SUSD4: variants seen among roughly 807,000 people sequenced by gnomAD.
SUSD4 encodes the protein sushi domain-containing protein 4.
A neutral mutation model predicts 50.5 loss-of-function variants in SUSD4; 41 were observed. That is an observed-to-expected ratio of 0.81 (90% CI 0.63 to 1.05). SUSD4 has a LOEUF of 1.05. SUSD4 is among the 50% of genes least tolerant of loss of function. The pLI is 0.00. For synonymous variants in SUSD4, 257 were observed against 257.3 expected (o/e 1.00, Z 0.01); for missense variants, 580 against 634.7 (o/e 0.91, Z 0.93).
At chr1:223,274,124 C>T (rs1186039494) in intron 3 of SUSD4, among the ~76,000 whole-genome samples, 1 of 152,100 alleles carries the variant, frequency 6.6e-6, no homozygotes, top group Non-Finnish European at 1.5e-5. Context: ...AGCACTGTTC[C>T]ATATCAGTGC....
At chr1:223,312,610 T>G (rs971791274) in intron 2 of SUSD4, among the ~76,000 whole-genome samples, 8 of 152,208 alleles carry the variant, frequency 5.3e-5, no homozygotes, top group Admixed American at 2.6e-4. Context: ...GAATCCCTGG[T>G]GCTTTGAAAA....
intron 5 of SUSD4, chr1:223,235,137 G>T: frequency 6.5e-7 from 1 of 1,548,350 alleles, no homozygotes; most frequent in Non-Finnish European, 8.7e-7. Flanking sequence ...AACATAAGAA[G>T]ACTATTTCTC....
rs370688823 is a variant in SUSD4 at position 223,223,278 on chromosome 1, G to A, written c.1415C>T (p.Ser472Phe). The change falls in exon 8 of 9, where the codon TCC becomes TTC. Residue 472 changes from serine to phenylalanine, a missense_variant. Coordinates refer to ENST00000366878, the MANE Select transcript of SUSD4 (RefSeq NM_017982.4). ...TGCAATGTCGATGCCTGGGCTGGTGGATGCCACCTCCTCTGCCGTGCTGGC... is the reference window on the plus strand; with the variant it reads ...TGCAATGTCGATGCCTGGGCTGGTGAATGCCACCTCCTCTGCCGTGCTGGC... ...IIASTAEEVA[S>F]TSPGIDIADE... 1.9e-6 allele frequency: 3 copies of A among 1,558,938 alleles called. No homozygotes were observed. Among genetic ancestry groups the A allele is most frequent in the Non-Finnish European group, 2.6e-6 (3 of 1,155,416 alleles).
chr1:223,310,466 T>C (rs1028461630), intron 2 of SUSD4, among the ~76,000 whole-genome samples: 5 of 152,184 alleles, frequency 3.3e-5, no homozygotes, highest in Non-Finnish European at 7.3e-5. Context: ...TAATTATTAG[T>C]GTTAATGATT....
At chr1:223,321,486 GTTA>G (rs1228538654) in intron 2 of SUSD4, among the ~76,000 whole-genome samples, 1 of 152,238 alleles carries the variant, frequency 6.6e-6, no homozygotes. Context: ...ATCAATATCT[GTTA>G]TTATCTTCAC....
chr1:223,224,162 C>T (rs1028096591), intron 7 of SUSD4, among the ~76,000 whole-genome samples: 3 of 152,122 alleles, frequency 2.0e-5, no homozygotes, highest in African/African-American at 4.8e-5. Context: ...CATAGTGAAA[C>T]CCTGCCTATA....
chr1:223,280,701 ATCCAGGAATTGAAC>A lies in SUSD4; in HGVS notation c.361+11724_361+11737del, dbSNP rs546731978. ...AACGAGACAGAAAGTTTACAAGGATATCCAGGAATTGAACTCAGCTCTGTACCAAGGGGACCTAA... is the reference window on the plus strand; with the variant it reads ...AACGAGACAGAAAGTTTACAAGGATATCAGCTCTGTACCAAGGGGACCTAA... On this transcript the variant is annotated intron_variant, in intron 3 of 8. Transcript: ENST00000366878. Among the ~76,000 whole-genome samples the A allele has an allele frequency of 4.1e-3, 630 of 152,234 alleles. 3 individuals are homozygous for A. The highest frequency in any genetic ancestry group is 6.0e-3 in the Non-Finnish European group (407 of 68,010).
intron 2 of SUSD4, among the ~76,000 whole-genome samples, chr1:223,327,521 C>T (rs1199594553): frequency 2.0e-5 from 3 of 152,162 alleles, no homozygotes; most frequent in Non-Finnish European, 2.9e-5. Flanking sequence ...AATGACCTTC[C>T]TATTACATGA....
rs370260004 is a variant in SUSD4, at chr1:223,243,235, C to T, written c.725-13847G>A. Among the ~76,000 whole-genome samples the T allele has an allele frequency of 1.5e-4, 23 of 152,288 alleles. No individual in the cohort carries two copies. In the South Asian group the frequency reaches 3.9e-3, roughly 26 times the overall value. On this transcript the variant is annotated intron_variant, in intron 5 of 8. Transcript: ENST00000366878. ...AGCTGCCTCGCTCCAGGGAGGCCTG[C>T]GATGCACATCTGCCCCACGGGTTTA...
intron 2 of SUSD4, among the ~76,000 whole-genome samples, chr1:223,315,922 T>C (rs1364126780): frequency 6.6e-6 from 1 of 152,136 alleles, no homozygotes. Context: ...ATACAGTCTG[T>C]CTTAGAAGCC....
At chr1:223,352,001 C>T (rs1278087484) in intron 2 of SUSD4, among the ~76,000 whole-genome samples, 1 of 151,926 alleles carries the variant, frequency 6.6e-6, no homozygotes, top group Non-Finnish European at 1.5e-5. Flanking sequence ...GGCACGTAGG[C>T]AGCAAGATGC....
At position 223,314,744 on chromosome 1, in the gene SUSD4, G is replaced by A. The variant is rs1301404894; in HGVS notation, c.149-22093C>T. On this transcript the variant is annotated intron_variant, in intron 2 of 8. Coordinates refer to ENST00000366878, the MANE Select transcript of SUSD4 (RefSeq NM_017982.4). ...TCTCTTGTCTACCACCATGTGAGAC[G>A]TCCCTTTCACCTTCTGCCATGAGTG... Among the ~76,000 whole-genome samples the A allele has an allele frequency of 3.3e-5, 5 of 152,130 alleles. No individual in the cohort carries two copies. In the East Asian group the frequency reaches 5.8e-4, roughly 18 times the overall value.
chr1:223,292,756 C>T, intron 2 of SUSD4, 105 bp from the exon 3 acceptor site: 2 of 1,189,652 alleles, frequency 1.7e-6, no homozygotes, highest in South Asian at 1.5e-5. Flanking sequence ...ACGCCTTGGA[C>T]ACTCCAGTTA....
rs575910383 is a variant in SUSD4, at chr1:223,283,961, C to T, written c.361+8478G>A. ...ATGGATGAAGCTGAAAACCATCATTCTCAGCAAACTATCACAAGAACAAAT... is the reference window on the plus strand; with the variant it reads ...ATGGATGAAGCTGAAAACCATCATTTTCAGCAAACTATCACAAGAACAAAT... On this transcript the variant is annotated intron_variant, in intron 3 of 8. Coordinates refer to ENST00000366878, the MANE Select transcript of SUSD4 (RefSeq NM_017982.4). Among the ~76,000 whole-genome samples the T allele has an allele frequency of 5.9e-5, 9 of 152,232 alleles. No individual in the cohort carries two copies. The East Asian group carries it at 1.5e-3, about 26-fold the overall frequency.
At chr1:223,234,707 G>A (rs923062235) in intron 5 of SUSD4, among the ~76,000 whole-genome samples, 1 of 152,048 alleles carries the variant, frequency 6.6e-6, no homozygotes, top group African/African-American at 2.4e-5. Context: ...TTCACCCGAC[G>A]GACACCACAC....
chr1:223,229,340 G>A lies in SUSD4; in HGVS notation c.773C>T (p.Pro258Leu), dbSNP rs373919206. ...GTGGTTGTAGCGCTCACAAGGCCGC[G>A]GGTGGCAGACGAAATCTCCGTGACT... ...MVSHGDFVCH[P>L]RPCERYNHGT... is the part of the protein sequence containing the mutation. The change falls in exon 6 of 9, where the codon CCG (proline) becomes CTG (leucine). Residue 258 changes from proline (P) to leucine (L), a missense_variant. Physicochemically the swap from Pro to Leu is moderately conservative, Grantham distance 98. Transcript: ENST00000366878. The surrounding 1 kb of genome is among the most constrained non-coding windows in gnomAD (Gnocchi z 4.7). The A allele has an allele frequency of 1.1e-5, 17 of 1,607,300 alleles. No homozygotes were observed. The highest frequency in any genetic ancestry group is 1.8e-4 in the Middle Eastern group (1 of 5,584).
chr1:223,299,262 A>T (rs919587764), intron 2 of SUSD4, among the ~76,000 whole-genome samples: 1 of 152,156 alleles, frequency 6.6e-6, no homozygotes, highest in Non-Finnish European at 1.5e-5. Flanking sequence ...GCAGAGTGGA[A>T]AATCATTTGC....
chr1:223,312,868 G>A (rs553074256), intron 2 of SUSD4, among the ~76,000 whole-genome samples: 1 of 152,288 alleles, frequency 6.6e-6, no homozygotes, highest in South Asian at 2.1e-4. Context: ...TTCCAGCGTA[G>A]GAACACAGTG....
intron 3 of SUSD4, among the ~76,000 whole-genome samples, chr1:223,286,880 GTTGT>G (rs1338458903): frequency 1.3e-5 from 2 of 152,154 alleles, no homozygotes; most frequent in African/African-American, 2.4e-5. Context: ...TGTTCTTTGT[GTTGT>G]TAGGTGAATC....
Sources: gnomAD v4.1 joint callset for allele counts (sites outside exome capture counted in the v4.1 genomes callset) on GRCh38, gnomAD v4.1.1 for gene constraint, Gnocchi (gnomAD v3.1) non-coding constraint, MANE v1.5 for transcripts, NCBI Gene and HGNC (gene_info 2026-07-23, HGNC 2026-07-21) for gene names.